OSBPL10: variants seen among roughly 807,000 people sequenced by gnomAD.
The protein encoded by OSBPL10 is oxysterol-binding protein-related protein 10.
OSBPL10 carries 49 observed loss-of-function variants against 81.7 expected under a neutral mutation model. The ratio of observed to expected loss-of-function variants is 0.60; its 90% CI spans 0.48 to 0.76. The LOEUF (loss-of-function observed/expected upper bound fraction) is 0.76. OSBPL10 is among the 30% of genes least tolerant of loss of function. The pLI is 0.00. For synonymous variants in OSBPL10, 419 were observed against 383.6 expected (o/e 1.09, Z -1.08); for missense variants, 923 against 987.8 (o/e 0.93, Z 0.88).
intron 3 of OSBPL10, among the ~76,000 whole-genome samples, chr3:31,863,781 G>A (rs989413513): frequency 1.3e-5 from 2 of 151,992 alleles, no homozygotes; most frequent in Non-Finnish European, 2.9e-5. Context: ...CTGGTTAATA[G>A]TTCTCTCTCT....
intron 4 of OSBPL10, among the ~76,000 whole-genome samples, chr3:31,774,162 C>CAAAAA (rs550791243): frequency 1.2e-5 from 1 of 81,490 alleles, no homozygotes; most frequent in African/African-American, 3.7e-5. Context: ...AACTCCATCT[C>CAAAAA]AAAAAAAAAA....
At chr3:31,699,584 T>A (rs1362299769) in intron 7 of OSBPL10, among the ~76,000 whole-genome samples, 2 of 152,046 alleles carry the variant, frequency 1.3e-5, no homozygotes, top group Non-Finnish European at 2.9e-5. Flanking sequence ...AAAACACAAG[T>A]CCCCTTGTTG....
chr3:31,922,214 T>G (rs1559519166), intron 1 of OSBPL10, among the ~76,000 whole-genome samples: 1 of 152,234 alleles, frequency 6.6e-6, no homozygotes, highest in Non-Finnish European at 1.5e-5. Context: ...TAATGAGGTG[T>G]AATATCGGTT....
chr3:31,740,530 C>A (rs1360404463), intron 5 of OSBPL10, among the ~76,000 whole-genome samples: 1 of 151,590 alleles, frequency 6.6e-6, no homozygotes, highest in Non-Finnish European at 1.5e-5. Flanking sequence ...TTAAAGTATG[C>A]CCTGTCTTCA....
chr3:31,870,959 T>G (rs1474381421), intron 3 of OSBPL10, among the ~76,000 whole-genome samples: 1 of 152,096 alleles, frequency 6.6e-6, no homozygotes, highest in Non-Finnish European at 1.5e-5. Context: ...ACTAATCTGA[T>G]GGGGAGGTGG....
chr3:31,715,865 G>C (rs1696414809), intron 6 of OSBPL10, among the ~76,000 whole-genome samples: 1 of 152,176 alleles, frequency 6.6e-6, no homozygotes, highest in Non-Finnish European at 1.5e-5. Flanking sequence ...TTCAAAAAGA[G>C]ACACGAGACT....
intron 2 of OSBPL10, among the ~76,000 whole-genome samples, chr3:32,041,262 G>T (rs1699572736): frequency 6.6e-6 from 1 of 152,162 alleles, no homozygotes; most frequent in Non-Finnish European, 1.5e-5. Context: ...TGTCTCAAAA[G>T]GAAAAGTAGA....
chr3:31,668,526 C>T (rs1326516487), intron 10 of OSBPL10, 116 bp downstream of exon 10: 2 of 950,520 alleles, frequency 2.1e-6, no homozygotes, highest in African/African-American at 1.6e-5. Context: ...GCCAGTAGAA[C>T]ATGATTCCTG....
At chr3:31,886,799 G>A (rs1695749494) in intron 1 of OSBPL10, among the ~76,000 whole-genome samples, 1 of 152,050 alleles carries the variant, frequency 6.6e-6, no homozygotes, top group African/African-American at 2.4e-5. Context: ...AATTAGCTGG[G>A]CATGGTGGCA....
At chr3:31,798,974 G>A (rs1699306380) in intron 4 of OSBPL10, among the ~76,000 whole-genome samples, 1 of 152,154 alleles carries the variant, frequency 6.6e-6, no homozygotes, top group African/African-American at 2.4e-5. Context: ...CTGCTGATCT[G>A]ACAGGCGGTG....
intron 1 of OSBPL10, among the ~76,000 whole-genome samples, chr3:31,934,410 CTT>C (rs11456297): frequency 9.9e-5 from 14 of 141,692 alleles, no homozygotes; most frequent in Non-Finnish European, 7.6e-5. Context: ...AAAATTCATT[CTT>C]TTTTTTTTTT....
intron 1 of OSBPL10, among the ~76,000 whole-genome samples, chr3:32,060,452 T>G (rs1359711455): frequency 1.3e-5 from 2 of 152,206 alleles, no homozygotes; most frequent in Non-Finnish European, 2.9e-5. Flanking sequence ...GCTTAAATGC[T>G]CATATACCAA....
chr3:31,736,507 A>G (rs1324680082), intron 5 of OSBPL10, among the ~76,000 whole-genome samples: 1 of 152,188 alleles, frequency 6.6e-6, no homozygotes, highest in Non-Finnish European at 1.5e-5. Context: ...AGAATCTGCC[A>G]TAAGAGAGGT....
chr3:32,071,430 G>T lies in OSBPL10; in HGVS notation n.185+5966C>A, dbSNP rs552305878. Among the ~76,000 whole-genome samples, 9 of 152,186 alleles carry T rather than the reference G, an allele frequency of 5.9e-5. No homozygotes were observed. In the East Asian group the frequency reaches 1.4e-3, roughly 23 times the overall value. ...TTCCTTGAAAACAGCTTTACAGACT[G>T]CTCCCACACTAGCTCTCCCTGACTC... On this transcript the variant is annotated intron_variant and non_coding_transcript_variant, in intron 1 of 3. Transcript: ENST00000479173.
At chr3:32,068,155 C>T (rs1699794035) in intron 1 of OSBPL10, among the ~76,000 whole-genome samples, 1 of 152,202 alleles carries the variant, frequency 6.6e-6, no homozygotes, top group African/African-American at 2.4e-5. Context: ...GTTTTCCTCT[C>T]TAGTAGAGAC....
chr3:31,674,596 TA>T (rs1700410811), intron 8 of OSBPL10, among the ~76,000 whole-genome samples: 1 of 53,888 alleles, frequency 1.9e-5, no homozygotes, highest in East Asian at 4.6e-4. Flanking sequence ...GATAGATAGA[TA>T]GATAGATAGA....
At chr3:31,783,515 G>GCATGGTGGCTCACA (rs1239537560) in intron 4 of OSBPL10, among the ~76,000 whole-genome samples, 1 of 151,576 alleles carries the variant, frequency 6.6e-6, no homozygotes. Flanking sequence ...ATAAGGCCAG[G>GCATGGTGGCTCACA]CATGGTGGCT....
At chr3:32,058,607 A>G (rs1353132744) in intron 1 of OSBPL10, among the ~76,000 whole-genome samples, 4 of 152,170 alleles carry the variant, frequency 2.6e-5, no homozygotes, top group Non-Finnish European at 5.9e-5. Context: ...CATTACAGGC[A>G]TGAGCCACCC....
rs78911251 is a variant in OSBPL10 at position 31,735,388 on chromosome 3, G to A, written c.941-1977C>T. 7.9e-5 allele frequency among the ~76,000 whole-genome samples: 12 copies of A among 151,562 alleles called. No homozygotes were observed. The South Asian group carries it at 1.0e-3, about 13-fold the overall frequency. On this transcript the variant is annotated intron_variant, in intron 5 of 11. Transcript: ENST00000396556. ...CCAGGAGGTCGAGGCTACAGTAAGC[G>A]GTGATTGCACCACTACCCTCCAGCC...
Sources: gnomAD v4.1 joint callset for allele counts (sites outside exome capture counted in the v4.1 genomes callset) on GRCh38, gnomAD v4.1.1 for gene constraint, MANE v1.5 for transcripts, NCBI Gene and HGNC (gene_info 2026-07-23, HGNC 2026-07-21) for gene names.